The following SLIT3 variants were observed in gnomAD, a reference collection of about 807,000 sequenced individuals.
The protein encoded by SLIT3 is slit guidance ligand 3.
Under a neutral mutation model 184.0 loss-of-function variants are expected in SLIT3, and 68 were observed. That is an observed-to-expected ratio of 0.37 (90% CI 0.30 to 0.45). The LOEUF (loss-of-function observed/expected upper bound fraction) is 0.45. SLIT3 is among the 20% of genes least tolerant of loss of function. SLIT3 has a pLI of 1.00. For synonymous variants in SLIT3, 831 were observed against 828.6 expected (o/e 1.00, Z -0.05); for missense variants, 1,707 against 2,026.0 (o/e 0.84, Z 3.02).
chr5:169,207,370 TACACACACACAC>T (rs56721949), intron 3 of SLIT3, among the ~76,000 whole-genome samples: 44 of 131,930 alleles, frequency 3.3e-4, no homozygotes, highest in Middle Eastern at 3.8e-3. Flanking sequence ...TACACATACA[TACACACACACAC>T]ACACACACAC....
intron 4 of SLIT3, among the ~76,000 whole-genome samples, chr5:168,905,135 C>T (rs1436326194): frequency 1.3e-5 from 2 of 152,094 alleles, no homozygotes; most frequent in African/African-American, 4.8e-5. Flanking sequence ...TGAGATCATG[C>T]CACTGCACTC....
At chr5:168,840,219 T>A (rs1345164751) in intron 6 of SLIT3, among the ~76,000 whole-genome samples, 1 of 152,210 alleles carries the variant, frequency 6.6e-6, no homozygotes, top group Non-Finnish European at 1.5e-5. Flanking sequence ...CACCAGGAGA[T>A]GAGAGCATTT....
chr5:169,144,521 A>G lies in SLIT3; in HGVS notation c.413+48958T>C, dbSNP rs1581455353. The stretch of plus-strand genomic sequence containing the variant: ...TTGTCATCCTCACCATTTCATCCCA[A>G]GTATCTAGCACAGCGTCTAGATGCT... On this transcript the variant is annotated intron_variant, in intron 4 of 35. Transcript: ENST00000519560. Among the ~76,000 whole-genome samples, 2 of 152,384 alleles carry G rather than the reference A, an allele frequency of 1.3e-5. 1 individual carries two copies. Among genetic ancestry groups the G allele is most frequent in the Middle Eastern group, 6.8e-3 (2 of 294 alleles).
At chr5:169,088,671 G>A (rs906993635) in intron 4 of SLIT3, among the ~76,000 whole-genome samples, 2 of 152,036 alleles carry the variant, frequency 1.3e-5, no homozygotes, top group Non-Finnish European at 2.9e-5. Context: ...ACCTGGCTGG[G>A]TATCCAAATC....
At chr5:168,696,252 C>T (rs1463797906) in intron 28 of SLIT3, 40 bp downstream of exon 28, 1 of 1,612,034 alleles carries the variant, frequency 6.2e-7, no homozygotes, top group Middle Eastern at 1.7e-4. Flanking sequence ...TCTAGCGACA[C>T]CCCTCCACCC....
Position 169,198,021 on chromosome 5 carries a change from T to C in SLIT3, c.342-4471A>G, listed in dbSNP as rs564455568. 3.9e-5 allele frequency among the ~76,000 whole-genome samples: 6 copies of C among 152,296 alleles called. No individual in the cohort carries two copies. In the South Asian group the frequency reaches 6.2e-4, roughly 16 times the overall value. On this transcript the variant is annotated intron_variant, in intron 3 of 35. Transcript: ENST00000519560. ...ACCATTCATCCATCCAACTGTTCAT[T>C]TATCTGTACATCCAACCACCATCCA...
In SLIT3 at chr5:168,753,108, G is replaced by A. The variant is rs377414341; in HGVS notation, c.1830-10C>T. The A allele has an allele frequency of 5.6e-6, 9 of 1,613,828 alleles. No individual in the cohort carries two copies. Among genetic ancestry groups the A allele is most frequent in the Non-Finnish European group, 7.6e-6 (9 of 1,179,924 alleles). ...GTTACTCCTCAGCATCCTACAGGGA[G>A]AGGGGTGGGGATGAGAGAGCACAGG... On this transcript the variant is annotated splice_polypyrimidine_tract_variant and intron_variant, in intron 17 of 35. Coordinates refer to ENST00000519560, the MANE Select transcript of SLIT3 (RefSeq NM_003062.4).
chr5:169,251,023 A>C (rs568751182), intron 2 of SLIT3, among the ~76,000 whole-genome samples: 1 of 152,178 alleles, frequency 6.6e-6, no homozygotes, highest in South Asian at 2.1e-4. Context: ...TTTTGTCCTG[A>C]TTGCTCTTTT....
intron 13 of SLIT3, among the ~76,000 whole-genome samples, chr5:168,773,786 G>C (rs147187730): frequency 1.3e-5 from 2 of 152,280 alleles, no homozygotes; most frequent in African/African-American, 4.8e-5. Context: ...CAGGGTGGAG[G>C]GGGTTAAGCG....
intron 4 of SLIT3, among the ~76,000 whole-genome samples, chr5:169,146,396 T>G (rs1185879791): frequency 6.6e-6 from 1 of 152,190 alleles, no homozygotes; most frequent in Admixed American, 6.5e-5. Flanking sequence ...AACGAGGGAA[T>G]CTACTGCCCT....
chr5:168,983,828 A>G (rs1194288919), intron 4 of SLIT3, among the ~76,000 whole-genome samples: 1 of 152,196 alleles, frequency 6.6e-6, no homozygotes, highest in Non-Finnish European at 1.5e-5. Context: ...CAAAAGAACC[A>G]AACTCCCCAA....
At chr5:168,791,060 G>A (rs563399106) in intron 10 of SLIT3, 17 of 152,278 alleles carry the variant, frequency 1.1e-4, no homozygotes, top group East Asian at 3.9e-4. Context: ...CTTTTCTTCC[G>A]CGCTCCGGTT....
At chr5:168,739,642 C>T (rs141450938) in intron 20 of SLIT3, among the ~76,000 whole-genome samples, 20,566 of 151,970 alleles carry the variant, frequency 0.14, 1,868 homozygotes, top group Non-Finnish European at 0.2. Context: ...TTAGTAGGGA[C>T]GGGGTTTCTC....
intron 9 of SLIT3, among the ~76,000 whole-genome samples, chr5:168,802,312 C>T (rs1270670337): frequency 2.0e-5 from 3 of 152,112 alleles, no homozygotes; most frequent in African/African-American, 7.2e-5. Context: ...GGCCATCACA[C>T]AGGTCCCCAG....
chr5:168,788,009 T>C (rs1233065803), intron 11 of SLIT3, among the ~76,000 whole-genome samples: 1 of 152,092 alleles, frequency 6.6e-6, no homozygotes, highest in African/African-American at 2.4e-5. Flanking sequence ...ACTTAAACAA[T>C]GCTCACATAT....
rs542661653 is a variant in SLIT3 at position 168,817,525 on chromosome 5, G to T, written c.630-62C>A. On this transcript the variant is annotated intron_variant, in intron 7 of 35. Transcript: ENST00000519560. ...AGGTGAAGTGTGGAGGCTGTCACTG[G>T]CCAGACAGAGTGACCAAAACCCCTG... 48 of 1,547,754 alleles carry T rather than the reference G, an allele frequency of 3.1e-5. 1 individual carries two copies. The highest frequency in any genetic ancestry group is 3.0e-4 in the African/African-American group (22 of 73,778).
At chr5:169,237,913 G>A (rs1188595654) in intron 3 of SLIT3, among the ~76,000 whole-genome samples, 8 of 152,166 alleles carry the variant, frequency 5.3e-5, no homozygotes, top group African/African-American at 1.9e-4. Context: ...TGTGTAAGAT[G>A]TAAGATTTGT....
chr5:168,749,563 C>A lies in SLIT3; in HGVS notation c.2046G>T (p.Arg682=), dbSNP rs1754621549. The A allele has an allele frequency of 1.9e-6, 3 of 1,614,234 alleles. No individual in the cohort carries two copies. The East Asian group carries it at 6.7e-5, about 36-fold the overall frequency. The change falls in exon 19 of 36, where the codon CGG becomes CGT. Residue 682 remains arginine (R), a synonymous_variant. Transcript: ENST00000519560. ...AWLGKWLRKR[R]IVSGNPRCQK... ...GGCACCTAGGGTTCCCACTGACGAT[C>A]CGCCTCTTCCTCAACCACTTGCCGA...
At chr5:168,865,012 A>G (rs1430357057) in intron 5 of SLIT3, among the ~76,000 whole-genome samples, 4 of 152,098 alleles carry the variant, frequency 2.6e-5, no homozygotes, top group African/African-American at 9.7e-5. Context: ...TACTAAAAAT[A>G]CAAAAATTAG....
Sources: allele counts gnomAD v4.1 joint callset (sites outside exome capture counted in the v4.1 genomes callset), GRCh38; gene constraint gnomAD v4.1.1; transcripts MANE v1.5; gene names NCBI Gene and HGNC (gene_info 2026-07-23, HGNC 2026-07-21).